Variants in TRAPPC9 observed in about 807,000 individuals in gnomAD.
TRAPPC9 encodes the protein IKK2 binding protein.
Under a neutral mutation model 124.0 loss-of-function variants are expected in TRAPPC9, and 83 were observed. That is an observed-to-expected ratio of 0.67 (90% CI 0.56 to 0.80). The LOEUF (loss-of-function observed/expected upper bound fraction) is 0.80. Ranked by LOEUF, TRAPPC9 falls within the 30% of genes least tolerant of loss-of-function variation. The pLI, the probability that TRAPPC9 is intolerant of heterozygous loss-of-function variation, is 0.00. For synonymous variants in TRAPPC9, 638 were observed against 617.5 expected (o/e 1.03, Z -0.49); for missense variants, 1,302 against 1,508.3 (o/e 0.86, Z 2.27).
At chr8:139,923,956 GA>G (rs984435759) in intron 19 of TRAPPC9, among the ~76,000 whole-genome samples, 3 of 152,128 alleles carry the variant, frequency 2.0e-5, no homozygotes, top group Non-Finnish European at 4.4e-5. Flanking sequence ...TTAAAGGGGG[GA>G]AAACAAACAG....
intron 21 of TRAPPC9, among the ~76,000 whole-genome samples, chr8:139,833,959 G>A (rs1277714838): frequency 2.0e-5 from 3 of 152,170 alleles, no homozygotes; most frequent in Non-Finnish European, 4.4e-5. Context: ...TGGAGGAAAC[G>A]CAGGCTTTCC....
chr8:139,919,684 C>T (rs1296641581), intron 19 of TRAPPC9, among the ~76,000 whole-genome samples: 2 of 152,178 alleles, frequency 1.3e-5, no homozygotes, highest in Admixed American at 6.5e-5. Flanking sequence ...TTCACTCAAG[C>T]TAATATCAGG....
intron 17 of TRAPPC9, among the ~76,000 whole-genome samples, chr8:140,183,903 AG>A (rs2062273264): frequency 1.5e-4 from 2 of 13,346 alleles, no homozygotes; most frequent in Non-Finnish European, 3.3e-4. Flanking sequence ...AGAGGAGAGG[AG>A]AGGAGAGGAG....
rs1232469394 is a variant in TRAPPC9, at chr8:140,063,821, CTT to C, written c.2557-39744_2557-39743del. Among the ~76,000 whole-genome samples, 2 of 152,136 alleles carry C rather than the reference CTT, an allele frequency of 1.3e-5. No homozygotes were observed. Among genetic ancestry groups the C allele is most frequent in the African/African-American group, 4.8e-5 (2 of 41,418 alleles). On this transcript the variant is annotated intron_variant, in intron 17 of 22. Transcript: ENST00000438773. This position sits in a 1 kb window ranked among gnomAD's most constrained non-coding sequence, Gnocchi z 4.3. Reference sequence around the variant, plus strand: ...CTCAGTGGCCCATGTTGCCTGCTCTCTTGTCACCCTTTCGGGTTCACAATTTG... The same window carrying C: ...CTCAGTGGCCCATGTTGCCTGCTCTCGTCACCCTTTCGGGTTCACAATTTG...
intron 20 of TRAPPC9, among the ~76,000 whole-genome samples, chr8:139,900,900 A>G (rs13266333): frequency 0.46 from 69,795 of 151,682 alleles, 17,367 homozygotes; most frequent in African/African-American, 0.67. Flanking sequence ...CCTGGGAAAC[A>G]TGAAGCCAGA....
Position 140,415,592 on chromosome 8 carries a change from G to GA in TRAPPC9, c.887-9895dup, listed in dbSNP as rs532613849. Among the ~76,000 whole-genome samples the GA allele has an allele frequency of 6.6e-5, 10 of 151,336 alleles. No homozygotes were observed. The East Asian group carries it at 1.9e-3, about 29-fold the overall frequency. On this transcript the variant is annotated intron_variant, in intron 5 of 22. Transcript: ENST00000438773. ...GAAAAGAAAAAGAATACTTTGAGCT[G>GA]AAAAAAAAGCCATAATATACTAAAA...
intron 17 of TRAPPC9, among the ~76,000 whole-genome samples, chr8:140,065,918 T>C (rs570406509): frequency 5.9e-5 from 9 of 152,344 alleles, no homozygotes; most frequent in Non-Finnish European, 1.2e-4. Context: ...TACATGTACA[T>C]GTATTCTTTA....
intron 3 of TRAPPC9, among the ~76,000 whole-genome samples, chr8:140,438,837 G>A (rs766551242): frequency 1.2e-4 from 18 of 151,976 alleles, no homozygotes; most frequent in South Asian, 2.1e-4. Context: ...GACTATAGGC[G>A]CGTGCCACCA....
chr8:139,868,303 C>G (rs1828676475), intron 21 of TRAPPC9, among the ~76,000 whole-genome samples: 2 of 152,130 alleles, frequency 1.3e-5, no homozygotes, highest in African/African-American at 4.8e-5. Flanking sequence ...CTGCAGTGAG[C>G]CAAGATTGCG....
At chr8:140,217,806 G>A (rs779300057) in intron 17 of TRAPPC9, among the ~76,000 whole-genome samples, 22 of 152,010 alleles carry the variant, frequency 1.4e-4, no homozygotes, top group African/African-American at 4.3e-4. Context: ...ACTTGAGGTC[G>A]GAAGTTTGAG....
rs566331389 is a variant in TRAPPC9 at position 140,326,047 on chromosome 8, A to C, written c.1496-14673T>G. On this transcript the variant is annotated intron_variant, in intron 9 of 22. Transcript: ENST00000438773. ...TGGATACACAAATGGAAATATACAA[A>C]TGGAAATCTGATATACAAATGGAAA... Among the ~76,000 whole-genome samples, 46 of 152,262 alleles carry C rather than the reference A, an allele frequency of 3.0e-4. 2 individuals carry two copies. The South Asian group carries it at 9.1e-3, about 30-fold the overall frequency.
At position 139,747,588 on chromosome 8, in the gene TRAPPC9, G is replaced by C. The variant is rs528403104; in HGVS notation, c.3056-15386C>G. 3.5e-3 allele frequency among the ~76,000 whole-genome samples: 234 copies of C among 66,072 alleles called. 7 individuals are homozygous for C. Among genetic ancestry groups the C allele is most frequent in the African/African-American group, 0.016 (211 of 13,292 alleles). 43.3% of individuals were successfully genotyped at this position (66,072 alleles called of 152,430 possible). On this transcript the variant is annotated intron_variant, in intron 21 of 22. Coordinates refer to ENST00000438773, the MANE Select transcript of TRAPPC9 (RefSeq NM_001160372.4). ...GTCAGAGTGGGTGTGGGGGTGTCCC[G>C]GGGTCAGAGCAGGTGGGGAGGTGTG...
chr8:140,404,819 T>C (rs2069422790), intron 6 of TRAPPC9, among the ~76,000 whole-genome samples: 1 of 151,572 alleles, frequency 6.6e-6, no homozygotes, highest in African/African-American at 2.4e-5. Context: ...TGTGTGTATG[T>C]GCATGTGTGT....
At chr8:139,761,160 CA>C (rs1038956695) in intron 21 of TRAPPC9, among the ~76,000 whole-genome samples, 3 of 152,204 alleles carry the variant, frequency 2.0e-5, no homozygotes, top group Non-Finnish European at 2.9e-5. Context: ...GAGGCAATGT[CA>C]GGTCCCTGAA....
intron 15 of TRAPPC9, among the ~76,000 whole-genome samples, chr8:140,267,133 A>T (rs1366986272): frequency 3.3e-5 from 5 of 152,226 alleles, no homozygotes; most frequent in African/African-American, 1.2e-4. Flanking sequence ...TTGATGTCTG[A>T]AGAAAAAGCG....
chr8:140,250,574 G>A lies in TRAPPC9; in HGVS notation c.2431+2203C>T, dbSNP rs188159076. 2.8e-3 allele frequency among the ~76,000 whole-genome samples: 419 copies of A among 152,204 alleles called. 4 individuals carry two copies. Among genetic ancestry groups the A allele is most frequent in the Non-Finnish European group, 4.3e-3 (295 of 68,022 alleles). ...CACATAAGGGCGCCGTGATTGTCTC[G>A]TGCTTCCTCAGACTGAACTGCACGT... On this transcript the variant is annotated intron_variant, in intron 16 of 22. Transcript: ENST00000438773.
At chr8:140,407,526 G>A (rs1037757807) in intron 5 of TRAPPC9, among the ~76,000 whole-genome samples, 1 of 151,974 alleles carries the variant, frequency 6.6e-6, no homozygotes, top group African/African-American at 2.4e-5. Context: ...AAATCCCCCC[G>A]ACGGAGAAGG....
intron 17 of TRAPPC9, among the ~76,000 whole-genome samples, chr8:140,067,227 T>A (rs1842935190): frequency 6.6e-6 from 1 of 152,148 alleles, no homozygotes; most frequent in Admixed American, 6.5e-5. Context: ...CACTGCAACC[T>A]CCGCCTCCCG....
chr8:140,117,743 G>C (rs181788364), intron 17 of TRAPPC9, among the ~76,000 whole-genome samples: 1 of 152,276 alleles, frequency 6.6e-6, no homozygotes, highest in Admixed American at 6.5e-5. Context: ...ATAAACATAG[G>C]AAGTGAGTGA....
Sources: allele counts gnomAD v4.1 joint callset (sites outside exome capture counted in the v4.1 genomes callset), GRCh38; gene constraint gnomAD v4.1.1; non-coding constraint Gnocchi (gnomAD v3.1); transcripts MANE v1.5; gene names NCBI Gene and HGNC (gene_info 2026-07-23, HGNC 2026-07-21).